The following IMMP2L variants were observed in gnomAD, a reference collection of about 807,000 sequenced individuals.
IMMP2L encodes mitochondrial inner membrane protease subunit 2.
Under a neutral mutation model 19.3 loss-of-function variants are expected in IMMP2L, and 18 were observed. The ratio of observed to expected loss-of-function variants is 0.93; its 90% CI spans 0.64 to 1.38. The LOEUF (loss-of-function observed/expected upper bound fraction) is 1.38. Among genes scored for constraint, IMMP2L ranks in the 40% most tolerant of loss-of-function variants. IMMP2L has a pLI of 0.00. For synonymous variants in IMMP2L, 76 were observed against 73.0 expected, an observed-to-expected ratio of 1.04 and a Z score of -0.21; for missense variants, 233 against 218.2, an observed-to-expected ratio of 1.07 and a Z score of -0.43.
intron 3 of IMMP2L, among the ~76,000 whole-genome samples, chr7:110,972,855 T>TTAGG (rs1386617128): frequency 6.6e-6 from 1 of 152,080 alleles, no homozygotes; most frequent in Non-Finnish European, 1.5e-5. Flanking sequence ...AGTTGCTATG[T>TTAGG]TAGGGTTCTA....
At chr7:111,211,552 G>A (rs1811310571) in intron 3 of IMMP2L, among the ~76,000 whole-genome samples, 1 of 152,146 alleles carries the variant, frequency 6.6e-6, no homozygotes. Flanking sequence ...TTCTGACCAA[G>A]GGTATGTGAT....
At chr7:111,057,058 G>T (rs1793577549) in intron 3 of IMMP2L, among the ~76,000 whole-genome samples, 1 of 152,144 alleles carries the variant, frequency 6.6e-6, no homozygotes, top group Admixed American at 6.5e-5. Flanking sequence ...TCACAGATAT[G>T]ATTTTTTCAA....
chr7:110,720,896 C>T (rs567060678), intron 5 of IMMP2L, among the ~76,000 whole-genome samples: 32 of 152,220 alleles, frequency 2.1e-4, no homozygotes, highest in South Asian at 8.3e-4. Flanking sequence ...ACACATATTT[C>T]TCCTCCATAC....
intron 3 of IMMP2L, among the ~76,000 whole-genome samples, chr7:111,225,550 C>G (rs1308743165): frequency 6.6e-6 from 1 of 151,920 alleles, no homozygotes; most frequent in Non-Finnish European, 1.5e-5. Flanking sequence ...AGATTCCACA[C>G]TGTAAATAGT....
intron 3 of IMMP2L, among the ~76,000 whole-genome samples, chr7:111,110,508 G>A (rs1799077386): frequency 1.3e-5 from 2 of 152,134 alleles, no homozygotes; most frequent in South Asian, 2.1e-4. Flanking sequence ...CAGAAATCAT[G>A]AAAAAGTTTT....
At position 111,213,225 on chromosome 7, in the gene IMMP2L, G is replaced by A. The variant is rs1811524403; in HGVS notation, c.240-249660C>T. Among the ~76,000 whole-genome samples, 1 of 152,216 alleles carries A rather than the reference G, an allele frequency of 6.6e-6. No homozygotes were observed. Among genetic ancestry groups the A allele is most frequent in the South Asian group, 2.1e-4 (1 of 4,828 alleles). On this transcript the variant is annotated intron_variant, in intron 3 of 5. Coordinates refer to ENST00000405709, the MANE Select transcript of IMMP2L (RefSeq NM_032549.4). The surrounding 1 kb of genome is among the most constrained non-coding windows in gnomAD (Gnocchi z 4.8). ...GGAGTGGAGTTGAGGCCTAGCCCGG[G>A]TGCTGTCACAATCAGGCTGAGTGTG...
intron 3 of IMMP2L, among the ~76,000 whole-genome samples, chr7:111,005,472 C>A (rs1334464816): frequency 1.3e-5 from 2 of 152,100 alleles, no homozygotes; most frequent in African/African-American, 4.8e-5. Context: ...TGCAAGGATG[C>A]CAGTTTGGGA....
At position 110,814,487 on chromosome 7, in the gene IMMP2L, G is replaced by A. The variant is rs185709941; in HGVS notation, c.408+72106C>T. On this transcript the variant is annotated intron_variant, in intron 5 of 5. Coordinates refer to ENST00000405709, the MANE Select transcript of IMMP2L (RefSeq NM_032549.4). Reference sequence around the variant, plus strand: ...ATCAGAGTATTAATTATTAATAATAGGCTAAGAATTAAAAGAGGGAGCATT... The same window carrying A: ...ATCAGAGTATTAATTATTAATAATAAGCTAAGAATTAAAAGAGGGAGCATT... Among the ~76,000 whole-genome samples, 406 of 149,644 alleles carry A rather than the reference G, an allele frequency of 2.7e-3. 4 individuals carry two copies. The highest frequency in any genetic ancestry group is 9.3e-3 in the African/African-American group (382 of 41,000).
intron 3 of IMMP2L, among the ~76,000 whole-genome samples, chr7:111,164,917 T>C (rs1412759852): frequency 3.3e-5 from 5 of 152,082 alleles, no homozygotes; most frequent in African/African-American, 1.2e-4. Context: ...GAAATACACA[T>C]AGCATAATAT....
At chr7:111,332,109 A>G (rs984780445) in intron 3 of IMMP2L, among the ~76,000 whole-genome samples, 4 of 151,950 alleles carry the variant, frequency 2.6e-5, no homozygotes, top group African/African-American at 9.7e-5. Context: ...GAACTAAAGA[A>G]TATCAATAAC....
intron 5 of IMMP2L, among the ~76,000 whole-genome samples, chr7:110,701,378 T>G (rs1794276027): frequency 6.6e-6 from 1 of 152,334 alleles, no homozygotes; most frequent in South Asian, 2.1e-4. Flanking sequence ...ATGCTTTACA[T>G]ATATTATCTC....
chr7:110,744,123 A>G (rs867784887), intron 5 of IMMP2L, among the ~76,000 whole-genome samples: 1 of 152,164 alleles, frequency 6.6e-6, no homozygotes, highest in Non-Finnish European at 1.5e-5. Context: ...TCACCCTCAC[A>G]GTGTAAACAA....
At chr7:111,348,144 G>C (rs1225843671) in intron 3 of IMMP2L, among the ~76,000 whole-genome samples, 1 of 115,258 alleles carries the variant, frequency 8.7e-6, no homozygotes, top group African/African-American at 3.3e-5. Context: ...GTCGTGGGGT[G>C]GGGGGAGGGG....
intron 4 of IMMP2L, among the ~76,000 whole-genome samples, chr7:110,947,576 A>G (rs2129553709): frequency 6.6e-6 from 1 of 152,314 alleles, no homozygotes; most frequent in South Asian, 2.1e-4. Flanking sequence ...GGTTTTGTAA[A>G]GCTTACTGCT....
chr7:111,521,540 C>G, intron 1 of IMMP2L, 91 bp from the exon 2 acceptor site: 2 of 1,133,392 alleles, frequency 1.8e-6, no homozygotes, highest in Non-Finnish European at 1.2e-6. Context: ...TAAGAGTTAC[C>G]GAAGGGCAAT....
At chr7:111,059,338 G>T (rs1793802183) in intron 3 of IMMP2L, among the ~76,000 whole-genome samples, 1 of 152,104 alleles carries the variant, frequency 6.6e-6, no homozygotes, top group Non-Finnish European at 1.5e-5. Flanking sequence ...TGTAAAATAG[G>T]ACCATAAACT....
chr7:111,377,471 C>T (rs527883773), intron 3 of IMMP2L, among the ~76,000 whole-genome samples: 2 of 151,908 alleles, frequency 1.3e-5, no homozygotes, highest in African/African-American at 4.8e-5. Flanking sequence ...TCATGCCCAG[C>T]ACCTGTTCCT....
intron 3 of IMMP2L, among the ~76,000 whole-genome samples, chr7:111,358,572 T>C (rs1828947289): frequency 6.6e-6 from 1 of 152,044 alleles, no homozygotes; most frequent in African/African-American, 2.4e-5. Context: ...GCAAGAATAA[T>C]CAAGATTGAC....
At chr7:111,206,841 A>G (rs755013482) in intron 3 of IMMP2L, among the ~76,000 whole-genome samples, 4 of 152,142 alleles carry the variant, frequency 2.6e-5, no homozygotes, top group Non-Finnish European at 5.9e-5. Context: ...AACAAAACTA[A>G]TAACAAACAA....
Sources: gnomAD v4.1 joint callset for allele counts (sites outside exome capture counted in the v4.1 genomes callset) on GRCh38, gnomAD v4.1.1 for gene constraint, Gnocchi (gnomAD v3.1) non-coding constraint, MANE v1.5 for transcripts, NCBI Gene and HGNC (gene_info 2026-07-23, HGNC 2026-07-21) for gene names.